SFI1: variants seen among roughly 807,000 people sequenced by gnomAD.
SFI1 encodes the protein protein SFI1 homolog.
In SFI1, 195 loss-of-function variants were observed where a neutral mutation model predicts 207.5. The observed-to-expected ratio is 0.94, with a 90% CI of 0.84 to 1.06. SFI1 has a LOEUF of 1.06. Among genes scored for constraint, SFI1 ranks in the 50% least tolerant of loss-of-function variants. The probability of loss-of-function intolerance (pLI) is 0.00; values close to 1 mark genes in which losing one functional copy is unlikely to be tolerated. For missense variants in SFI1, 1,634 were observed against 1,588.0 expected, an observed-to-expected ratio of 1.03 and a Z score of -0.49; for synonymous variants, 630 against 598.9, an observed-to-expected ratio of 1.05 and a Z score of -0.76.
At chr22:31,614,099 CCCT>C in intron 27 of SFI1, 2 of 523,374 alleles carry the variant, frequency 3.8e-6, no homozygotes, top group Non-Finnish European at 6.7e-6. Context: ...AATAGGTGTC[CCCT>C]CCTCTGCAAC....
chr22:31,582,230 ATATATATTTTTTTTTTTTTTTT>A (rs2064373036), intron 12 of SFI1, among the ~76,000 whole-genome samples: 1 of 30,582 alleles, frequency 3.3e-5, no homozygotes, highest in Admixed American at 4.2e-4. Flanking sequence ...ATATATATAT[ATATATATTTTTTTTTTTTTTTT>A]TTTTTTTTTT....
intron 6 of SFI1, 114 bp from the exon 7 acceptor site, chr22:31,556,828 A>G (rs2061215846): frequency 1.6e-6 from 1 of 618,888 alleles, no homozygotes; most frequent in African/African-American, 1.8e-5. Flanking sequence ...AGCAGGGGTC[A>G]CTTGTAGGCT....
intron 7 of SFI1, among the ~76,000 whole-genome samples, chr22:31,557,714 A>T (rs1343375301): frequency 1.3e-5 from 2 of 152,204 alleles, no homozygotes; most frequent in Admixed American, 1.3e-4. Context: ...ACAGATTAAG[A>T]TGTACAATAA....
chr22:31,537,648 A>G (rs901424308), intron 4 of SFI1, among the ~76,000 whole-genome samples: 4 of 152,198 alleles, frequency 2.6e-5, no homozygotes, highest in African/African-American at 9.6e-5. Flanking sequence ...GCAAATTACA[A>G]AATGATAGAG....
chr22:31,618,074 A>G (rs2072103629), intron 31 of SFI1, 41 bp from the exon 32 acceptor site: 2 of 1,541,722 alleles, frequency 1.3e-6, no homozygotes, highest in Non-Finnish European at 8.8e-7. Flanking sequence ...GGCTCTGCCA[A>G]GGACCCAGCC....
intron 2 of SFI1, chr22:31,521,297 A>ATTC (rs745362736): frequency 5.5e-6 from 1 of 183,082 alleles, no homozygotes; most frequent in Admixed American, 5.4e-5. Flanking sequence ...AGAGAGTCCA[A>ATTC]TTCTTCTTCT....
rs149899950 is a variant in SFI1 at position 31,538,011 on chromosome 22, G to A, written c.338+6882G>A. The stretch of plus-strand genomic sequence containing the variant: ...TTTGAGACCGAGTTTCACTCTTGTT[G>A]CCCAGGCTGGAGTGCAGTGACGCGA... On this transcript the variant is annotated intron_variant, in intron 4 of 32. Coordinates refer to ENST00000400288, the MANE Select transcript of SFI1 (RefSeq NM_001007467.3). Among the ~76,000 whole-genome samples the A allele has an allele frequency of 3.5e-3, 536 of 152,228 alleles. 1 individual carries two copies. Among genetic ancestry groups the A allele is most frequent in the Admixed American group, 6.5e-3 (99 of 15,276 alleles).
intron 20 of SFI1, chr22:31,605,750 A>AG (rs1018880626): frequency 2.0e-5 from 3 of 152,696 alleles, no homozygotes; most frequent in Admixed American, 2.0e-4. Context: ...TGGGAGGCTT[A>AG]GGTGGGAGGG....
chr22:31,541,655 A>C (rs1401230129), intron 4 of SFI1, among the ~76,000 whole-genome samples: 1 of 150,900 alleles, frequency 6.6e-6, no homozygotes, highest in Non-Finnish European at 1.5e-5. Context: ...GAGGCAGGAG[A>C]ATTGCTTGAA....
At position 31,613,170 on chromosome 22, in the gene SFI1, C is replaced by T. The variant is rs372062054; in HGVS notation, c.2519C>T (p.Ala840Val). The T allele has an allele frequency of 7.4e-6, 12 of 1,613,602 alleles. No individual in the cohort carries two copies. Among genetic ancestry groups the T allele is most frequent in the Middle Eastern group, 1.6e-4 (1 of 6,084 alleles). Residue 840 changes from alanine to valine, a missense_variant, in exon 25 of 33, where the codon GCG becomes GTG. Transcript: ENST00000400288. ...GCAGCCAGGAGGCAGGAGCAGCGGG[C>T]GACAGTGCGGGCCCTGTGGTTCTGG... ...QLAARRQEQR[A>V]TVRALWFWAF...
intron 22 of SFI1, among the ~76,000 whole-genome samples, chr22:31,609,335 G>A (rs1032729666): frequency 6.6e-6 from 1 of 152,176 alleles, no homozygotes; most frequent in Non-Finnish European, 1.5e-5. Flanking sequence ...TGGAAAGATA[G>A]TCTAGAACAG....
intron 25 of SFI1, 43 bp downstream of exon 25, chr22:31,613,259 G>A: frequency 1.2e-6 from 2 of 1,612,738 alleles, no homozygotes; most frequent in South Asian, 1.1e-5. Flanking sequence ...CTCTCCCTCA[G>A]GCCTTAGCCC....
chr22:31,544,811 T>C (rs185803484), intron 4 of SFI1, among the ~76,000 whole-genome samples: 9 of 152,294 alleles, frequency 5.9e-5, no homozygotes, highest in Admixed American at 3.9e-4. Flanking sequence ...AAAATCAATA[T>C]TAAAAAATTT....
intron 13 of SFI1, 59 bp downstream of exon 13, chr22:31,584,031 T>C: frequency 7.1e-7 from 1 of 1,414,304 alleles, no homozygotes; most frequent in Non-Finnish European, 1.0e-6. Context: ...ACTTACTGTT[T>C]TCCAGGAGTA....
intron 4 of SFI1, among the ~76,000 whole-genome samples, chr22:31,534,281 C>T (rs2058775306): frequency 1.3e-5 from 2 of 152,184 alleles, no homozygotes; most frequent in African/African-American, 2.4e-5. Flanking sequence ...GCCTGAGCCA[C>T]TGTGCCCAGC....
rs1238217069 is a variant in SFI1, at chr22:31,611,818, G to C, written c.2468G>C (p.Cys823Ser). ...CTGGCACAGAGACTCAGCCGGACCTGCTTCCGCCAGTGGAGACAACAGGTG... is the reference window on the plus strand; with the variant it reads ...CTGGCACAGAGACTCAGCCGGACCTCCTTCCGCCAGTGGAGACAACAGGTG... Reference protein sequence around the residue: ...QLLAQRLSRTCFRQWRQQLAA... With the variant: ...QLLAQRLSRTSFRQWRQQLAA... Residue 823 changes from cysteine to serine, a missense_variant, in exon 24 of 33, where the codon TGC (cysteine) becomes TCC (serine). Cys to Ser is a moderately radical substitution (Grantham distance 112). Coordinates refer to ENST00000400288, the MANE Select transcript of SFI1 (RefSeq NM_001007467.3). 1 of 1,613,962 alleles carries C rather than the reference G, an allele frequency of 6.2e-7. No individual in the cohort carries two copies. The highest frequency in any genetic ancestry group is 1.1e-5 in the South Asian group (1 of 91,086).
intron 4 of SFI1, among the ~76,000 whole-genome samples, chr22:31,534,538 ATAT>A (rs2058796738): frequency 6.6e-6 from 1 of 152,028 alleles, no homozygotes; most frequent in African/African-American, 2.4e-5. Flanking sequence ...AAATTCTCTC[ATAT>A]TTTGTCTAAT....
rs1249299302 is a variant in SFI1, at chr22:31,618,481, C to G, written c.*63C>G. 2.2e-5 allele frequency: 31 copies of G among 1,405,852 alleles called. No homozygotes were observed. The highest frequency in any genetic ancestry group is 2.8e-5 in the Non-Finnish European group (30 of 1,065,226). The allele number at this position is 1,405,852 out of a possible 1,614,324, so 87.1% of individuals were successfully genotyped here. A position where few individuals can be genotyped will look rare whatever the true frequency, so the allele number is the denominator to read the frequency against. ...GGAGGCCTCAGGCCACCTCCAGGAA[C>G]AGAACACAGTTTTAAGTTTGATTTT... On this transcript the variant is annotated 3_prime_UTR_variant, in exon 33 of 33. Coordinates refer to ENST00000400288, the MANE Select transcript of SFI1 (RefSeq NM_001007467.3).
intron 31 of SFI1, 84 bp downstream of exon 31, chr22:31,617,162 G>T: frequency 6.8e-7 from 1 of 1,462,692 alleles, no homozygotes; most frequent in South Asian, 1.2e-5. Context: ...CATTTCCCCC[G>T]AGCCAGCTGC....
Sources: allele counts gnomAD v4.1 joint callset (sites outside exome capture counted in the v4.1 genomes callset), GRCh38; gene constraint gnomAD v4.1.1; transcripts MANE v1.5; gene names NCBI Gene and HGNC (gene_info 2026-07-23, HGNC 2026-07-21).